EZH1: variants seen among roughly 807,000 people sequenced by gnomAD.
EZH1 encodes the protein enhancer of zeste 1 polycomb repressive complex 2 subunit.
EZH1 carries 33 observed loss-of-function variants against 100.5 expected under a neutral mutation model. The observed-to-expected ratio is 0.33, with a 90% CI of 0.25 to 0.44. The LOEUF (loss-of-function observed/expected upper bound fraction) is 0.44, where lower values mean the gene tolerates loss of function less well. Ranked by LOEUF, EZH1 falls within the 20% of genes least tolerant of loss-of-function variation. The probability of loss-of-function intolerance (pLI) is 1.00; values close to 1 mark genes in which losing one functional copy is unlikely to be tolerated. For synonymous variants in EZH1, 272 were observed against 313.8 expected (o/e 0.87, Z 1.41); for missense variants, 475 against 928.4 (o/e 0.51, Z 6.35).
chr17:42,727,524 T>C, intron 4 of EZH1, 111 bp downstream of exon 4: 1 of 1,313,246 alleles, frequency 7.6e-7, no homozygotes, highest in South Asian at 1.4e-5. Context: ...AATACTTGTG[T>C]GAGCCACCAT....
intron 1 of EZH1, among the ~76,000 whole-genome samples, chr17:42,736,589 C>T (rs180892387): frequency 1.3e-5 from 2 of 152,300 alleles, no homozygotes; most frequent in Admixed American, 6.5e-5. Context: ...AATCCCAGCA[C>T]TTTGGGAGGC....
At chr17:42,721,813 C>G (rs1567996102) in intron 6 of EZH1, among the ~76,000 whole-genome samples, 1 of 151,956 alleles carries the variant, frequency 6.6e-6, no homozygotes, top group Admixed American at 6.6e-5. Context: ...AGTTTAAGAC[C>G]AGCCTGGGCA....
At chr17:42,732,906 T>C (rs2053979996) in intron 1 of EZH1, among the ~76,000 whole-genome samples, 1 of 151,474 alleles carries the variant, frequency 6.6e-6, no homozygotes, top group Non-Finnish European at 1.5e-5. Context: ...CTACTGAGAT[T>C]GCACCACTGC....
chr17:42,720,289 C>T lies in EZH1; in HGVS notation c.648G>A (p.Lys216=). 2 of 1,613,668 alleles carry T rather than the reference C, an allele frequency of 1.2e-6. No homozygotes were observed. The highest frequency in any genetic ancestry group is 2.2e-5 in the East Asian group (1 of 44,876). Residue 216 remains lysine (K), a synonymous_variant, in exon 7 of 21, where the codon AAG becomes AAA. Transcript: ENST00000428826. ...GCTACGTACCTTCAATAGCATGTCG[C>T]TTTCTCTTTCTTGTTACTGGCAGAT... The part of the protein sequence containing the change: ...KEDLPVTRKR[K]RHAIEGNKKS...
At chr17:42,735,136 C>T (rs749945542) in intron 1 of EZH1, among the ~76,000 whole-genome samples, 1 of 152,038 alleles carries the variant, frequency 6.6e-6, no homozygotes, top group African/African-American at 2.4e-5. Context: ...CAGATGCTGT[C>T]GTGTCTGGCT....
intron 19 of EZH1, 110 bp from the exon 20 acceptor site, chr17:42,703,071 G>T: frequency 1.8e-6 from 2 of 1,082,838 alleles, no homozygotes; most frequent in South Asian, 2.6e-5. Context: ...TGAATCAAAT[G>T]GAATTAGAAA....
At chr17:42,709,028 A>C in intron 13 of EZH1, 112 bp from the exon 14 acceptor site, 1 of 1,223,074 alleles carries the variant, frequency 8.2e-7, no homozygotes, top group South Asian at 1.3e-5. Flanking sequence ...ACTGGGGAGT[A>C]TCTTCCCAAA....
At chr17:42,705,641 T>G (rs2053338033) in intron 16 of EZH1, 1 of 177,658 alleles carries the variant, frequency 5.6e-6, no homozygotes, top group African/African-American at 2.4e-5. Flanking sequence ...TACCTCAGCC[T>G]TCTGAGTAGC....
At position 42,718,641 on chromosome 17, in the gene EZH1, A is replaced by T; in HGVS notation, c.768-24T>A. The T allele has an allele frequency of 6.2e-7, 1 of 1,612,976 alleles. No homozygotes were observed. ...ACCTATTTAAGAAAAGAGAGATAAG[A>T]GTTCCTCCGAGGAACTGCCTCCACT... On this transcript the variant is annotated intron_variant, in intron 8 of 20. Coordinates refer to ENST00000428826, the MANE Select transcript of EZH1 (RefSeq NM_001991.5). This position sits in a 1 kb window ranked among gnomAD's most constrained non-coding sequence, Gnocchi z 4.2.
chr17:42,742,769 CACA>C (rs1228220140), intron 1 of EZH1, among the ~76,000 whole-genome samples: 2 of 152,142 alleles, frequency 1.3e-5, no homozygotes, highest in Non-Finnish European at 2.9e-5. Flanking sequence ...GTTTGTGACA[CACA>C]ACAATAAGCA....
At chr17:42,705,038 C>T (rs769446126) in intron 17 of EZH1, 50 bp downstream of exon 17, 1 of 1,443,566 alleles carries the variant, frequency 6.9e-7, no homozygotes, top group Non-Finnish European at 9.7e-7. Flanking sequence ...ATCAGAGTTT[C>T]TCATCAGTCT....
rs1039259218 is a variant in EZH1 at position 42,743,671 on chromosome 17, G to T, written c.-103+1340C>A. 4.6e-5 allele frequency among the ~76,000 whole-genome samples: 7 copies of T among 151,070 alleles called. No individual in the cohort carries two copies. The South Asian group carries it at 1.3e-3, about 27-fold the overall frequency. On this transcript the variant is annotated intron_variant, in intron 1 of 20. Transcript: ENST00000428826. The stretch of plus-strand genomic sequence containing the variant: ...GTAGAGATGAGGTCTCGCTATTGTT[G>T]CCTGAGCTGGTCCCAAACTCCTGGG...
chr17:42,708,458 C>T (rs944160349), intron 14 of EZH1, among the ~76,000 whole-genome samples: 2 of 152,134 alleles, frequency 1.3e-5, no homozygotes, highest in African/African-American at 4.8e-5. Context: ...AGTTCGAGAC[C>T]AGCCTGGCCA....
chr17:42,728,659 G>A (rs957673426), intron 3 of EZH1, among the ~76,000 whole-genome samples, 166 bp downstream of exon 3: 1 of 150,854 alleles, frequency 6.6e-6, no homozygotes, highest in Admixed American at 6.6e-5. Flanking sequence ...GGAGAATGGC[G>A]TGAACCTGCG....
rs750905723 is a variant in EZH1, at chr17:42,708,196, GAC to G, written c.1535-115_1535-114del. On this transcript the variant is annotated intron_variant, in intron 14 of 20. Transcript: ENST00000428826. ...GAGGCTGGTCCTAACAATCTCCTTGGACACACATTTAGCACCTGAAGTGAGAA... is the reference window on the plus strand; with the variant it reads ...GAGGCTGGTCCTAACAATCTCCTTGGACACATTTAGCACCTGAAGTGAGAA... The G allele has an allele frequency of 2.0e-4, 270 of 1,318,906 alleles. 2 individuals carry two copies. In the South Asian group the frequency reaches 2.7e-3, roughly 13 times the overall value. 81.7% of individuals were successfully genotyped at this position (1,318,906 alleles called of 1,614,324 possible).
chr17:42,704,792 C>T, intron 17 of EZH1, 109 bp from the exon 18 acceptor site: 3 of 810,020 alleles, frequency 3.7e-6, no homozygotes, highest in Non-Finnish European at 4.0e-6. Flanking sequence ...GCTTACTGAG[C>T]ATCATGATGA....
chr17:42,730,792 G>A (rs1453358951), intron 2 of EZH1, 36 bp downstream of exon 2: 43 of 959,020 alleles, frequency 4.5e-5, no homozygotes, highest in African/African-American at 3.0e-4. Flanking sequence ...CACCGCGCCC[G>A]GCCAAGAAGT....
At chr17:42,739,462 T>G (rs889754069) in intron 1 of EZH1, among the ~76,000 whole-genome samples, 11 of 152,190 alleles carry the variant, frequency 7.2e-5, no homozygotes, top group African/African-American at 9.6e-5. Flanking sequence ...CTGGGTGCAG[T>G]AGCTCACACC....
intron 10 of EZH1, among the ~76,000 whole-genome samples, chr17:42,715,137 TTA>T (rs1441917129): frequency 7.1e-6 from 1 of 140,144 alleles, no homozygotes; most frequent in Admixed American, 7.5e-5. Context: ...TTATATGTAT[TTA>T]TATATTATAT....
Sources: gnomAD v4.1 joint callset for allele counts (sites outside exome capture counted in the v4.1 genomes callset) on GRCh38, gnomAD v4.1.1 for gene constraint, Gnocchi (gnomAD v3.1) non-coding constraint, MANE v1.5 for transcripts, NCBI Gene and HGNC (gene_info 2026-07-23, HGNC 2026-07-21) for gene names.